Variants in EVC2 observed in about 807,000 individuals in gnomAD.
The protein encoded by EVC2 is limbin.
In EVC2, 148 loss-of-function variants were observed where a neutral mutation model predicts 149.3. The observed-to-expected ratio is 0.99, with a 90% CI of 0.87 to 1.14. The LOEUF is 1.14. Among genes scored for constraint, EVC2 ranks in the 50% most tolerant of loss-of-function variants. The probability of loss-of-function intolerance (pLI) is 0.00; values close to 1 mark genes in which losing one functional copy is unlikely to be tolerated. For synonymous variants in EVC2, 776 were observed against 649.9 expected (o/e 1.19, Z -2.95); for missense variants, 1,854 against 1,627.3 (o/e 1.14, Z -2.40).
chr4:5,594,913 A>G (rs1028042010), intron 16 of EVC2, among the ~76,000 whole-genome samples: 1 of 152,216 alleles, frequency 6.6e-6, no homozygotes, highest in African/African-American at 2.4e-5. Context: ...GAGAACTACG[A>G]GAAGAATGCA....
chr4:5,594,037 C>G, intron 16 of EVC2, among the ~76,000 whole-genome samples: 1 of 152,200 alleles, frequency 6.6e-6, no homozygotes, highest in East Asian at 1.9e-4. Context: ...CGCCATTGCC[C>G]AGGCTTGCTT....
the EVC2 span, among the ~76,000 whole-genome samples, chr4:5,530,141 C>T: frequency 6.6e-6 from 1 of 152,096 alleles, no homozygotes. Flanking sequence ...GTCCATCAGT[C>T]GACATTAACT....
chr4:5,581,082 A>G lies in EVC2; in HGVS notation c.3057+3541T>C, dbSNP rs1208164817. The stretch of plus-strand genomic sequence containing the variant: ...GTTTCCACAGAAGCTGAGCAGATGC[A>G]TCATGCTTCCTGTACAGCCTGCAGA... On this transcript the variant is annotated intron_variant, in intron 17 of 21. Coordinates refer to ENST00000344408, the MANE Select transcript of EVC2 (RefSeq NM_147127.5). Among the ~76,000 whole-genome samples the G allele has an allele frequency of 3.3e-5, 5 of 152,346 alleles. No homozygotes were observed. In the East Asian group the frequency reaches 5.8e-4, roughly 18 times the overall value.
chr4:5,615,734 T>C (rs913492829), intron 15 of EVC2, among the ~76,000 whole-genome samples, 190 bp from the exon 16 acceptor site: 2 of 152,164 alleles, frequency 1.3e-5, no homozygotes, highest in African/African-American at 4.8e-5. Context: ...GCCTTTGATC[T>C]TCACACAATC....
rs1184072988 is a variant in EVC2 at position 5,588,023 on chromosome 4, TTCTA to T, written c.2830-3177_2830-3174del. 3.3e-5 allele frequency among the ~76,000 whole-genome samples: 5 copies of T among 152,254 alleles called. No individual in the cohort carries two copies. In the South Asian group the frequency reaches 8.3e-4, roughly 25 times the overall value. ...GTGGTCTCCTCCCTGAGTTCTAGAT[TTCTA>T]TCTGTTATGAAAATCCTTCTGCCTG... On this transcript the variant is annotated intron_variant, in intron 16 of 21. Transcript: ENST00000344408.
chr4:5,581,547 T>A (rs1711793392), intron 17 of EVC2, among the ~76,000 whole-genome samples: 1 of 152,242 alleles, frequency 6.6e-6, no homozygotes, highest in Admixed American at 6.5e-5. Flanking sequence ...ATTTAGGGTA[T>A]CTGCTGGAAG....
intron 9 of EVC2, among the ~76,000 whole-genome samples, chr4:5,660,675 T>A (rs1577220088): frequency 6.6e-6 from 1 of 152,208 alleles, no homozygotes; most frequent in Non-Finnish European, 1.5e-5. Context: ...GCTATCACCA[T>A]AAGGATGCAT....
At chr4:5,617,554 AC>A (rs1257645451) in intron 15 of EVC2, among the ~76,000 whole-genome samples, 1 of 150,140 alleles carries the variant, frequency 6.7e-6, no homozygotes, top group African/African-American at 2.5e-5. Context: ...GGAAGCCCAG[AC>A]AAAGGGGAAG....
chr4:5,650,626 TATATATATATATAG>T (rs1433134504), intron 9 of EVC2, among the ~76,000 whole-genome samples: 1,831 of 83,096 alleles, frequency 0.022, 10 homozygotes, highest in Middle Eastern at 0.027. Flanking sequence ...TATATATATA[TATATATATATATAG>T]AGAGAGAGAG....
intron 11 of EVC2, among the ~76,000 whole-genome samples, chr4:5,629,033 T>C (rs1716338168): frequency 6.6e-6 from 1 of 152,186 alleles, no homozygotes; most frequent in African/African-American, 2.4e-5. Context: ...CCTTCATCCA[T>C]GCACGCTCCC....
the EVC2 span, among the ~76,000 whole-genome samples, chr4:5,530,059 G>T: frequency 6.6e-6 from 1 of 152,130 alleles, no homozygotes; most frequent in South Asian, 2.1e-4. Context: ...CAGGTGATCT[G>T]CCCTTGGCCT....
In EVC2 at chr4:5,657,547, A is replaced by G. The variant is rs1577216294; in HGVS notation, c.1145+5560T>C. Among the ~76,000 whole-genome samples, 1 of 152,032 alleles carries G rather than the reference A, an allele frequency of 6.6e-6. No homozygotes were observed. The highest frequency in any genetic ancestry group is 3.4e-3 in the Middle Eastern group (1 of 294). ...GCTGCACCTCATCCTAATCTTTGCTATCATGTACCTTATAGCCTCAAATTT... is the reference window on the plus strand; with the variant it reads ...GCTGCACCTCATCCTAATCTTTGCTGTCATGTACCTTATAGCCTCAAATTT... On this transcript the variant is annotated intron_variant, in intron 9 of 21. Coordinates refer to ENST00000344408, the MANE Select transcript of EVC2 (RefSeq NM_147127.5). The surrounding 1 kb of genome is among the most constrained non-coding windows in gnomAD (Gnocchi z 4.7).
Position 5,576,391 on chromosome 4 carries a change from G to A in EVC2, c.3121C>T (p.Gln1041Ter), listed in dbSNP as rs376133710. The part of the protein sequence containing the change: ...QLVQQEAAQQ[Q>*]QALASWQQWV... ...TGCTGCCAGCTCGCCAGGGCCTGCTGCTGCTGGGCTGCCTCCTGCTGCACC... is the reference window on the plus strand; with the variant it reads ...TGCTGCCAGCTCGCCAGGGCCTGCTACTGCTGGGCTGCCTCCTGCTGCACC... The change falls in exon 18 of 22, where the codon CAG (glutamine) becomes TAG (stop). Residue 1041 changes from glutamine (Q) to a stop codon, truncating the protein, a stop_gained. Transcript: ENST00000344408. LOFTEE classifies it high-confidence loss of function. This position sits in a 1 kb window ranked among gnomAD's most constrained non-coding sequence, Gnocchi z 4.5. 3.7e-6 allele frequency: 6 copies of A among 1,613,490 alleles called. No individual in the cohort carries two copies. The African/African-American group carries it at 4.0e-5, about 11-fold the overall frequency.
Position 5,617,725 on chromosome 4 carries a change from A to G in EVC2, c.2706+753T>C, listed in dbSNP as rs1182482852. Among the ~76,000 whole-genome samples, 4 of 152,180 alleles carry G rather than the reference A, an allele frequency of 2.6e-5. No individual in the cohort carries two copies. In the East Asian group the frequency reaches 5.8e-4, roughly 22 times the overall value. On this transcript the variant is annotated intron_variant, in intron 15 of 21. Transcript: ENST00000344408. The stretch of plus-strand genomic sequence containing the variant: ...GAGACCTCAATGGCCTGCAAAGCAT[A>G]TATGTGGCAGAGAAAACAGAAGTTC...
chr4:5,561,232 C>G (rs982957022), downstream of EVC2, among the ~76,000 whole-genome samples: 4 of 152,186 alleles, frequency 2.6e-5, no homozygotes, highest in Non-Finnish European at 5.9e-5. Flanking sequence ...GTGGACTTTA[C>G]AGATTCAATT....
At chr4:5,593,315 T>C (rs1713009907) in intron 16 of EVC2, among the ~76,000 whole-genome samples, 1 of 152,172 alleles carries the variant, frequency 6.6e-6, no homozygotes, top group Non-Finnish European at 1.5e-5. Context: ...CTGCCCTTCT[T>C]TCAAGTGTGC....
At chr4:5,566,512 G>C (rs1722296701) in intron 20 of EVC2, among the ~76,000 whole-genome samples, 1 of 152,164 alleles carries the variant, frequency 6.6e-6, no homozygotes, top group Non-Finnish European at 1.5e-5. Context: ...TTCTTGCTTG[G>C]ATTAATTATT....
intron 10 of EVC2, 97 bp from the exon 11 acceptor site, chr4:5,632,129 A>ATT: frequency 6.8e-7 from 1 of 1,481,258 alleles, no homozygotes; most frequent in Non-Finnish European, 9.2e-7. Context: ...GTGCACACAC[A>ATT]ATGTGTACAT....
intron 12 of EVC2, among the ~76,000 whole-genome samples, chr4:5,627,650 C>T (rs1036555812): frequency 6.6e-6 from 1 of 152,152 alleles, no homozygotes; most frequent in South Asian, 2.1e-4. Context: ...AATTAAGTCA[C>T]CTCAAAGAAT....
Sources: allele counts gnomAD v4.1 joint callset (sites outside exome capture counted in the v4.1 genomes callset), GRCh38; gene constraint gnomAD v4.1.1; non-coding constraint Gnocchi (gnomAD v3.1); transcripts MANE v1.5; gene names NCBI Gene and HGNC (gene_info 2026-07-23, HGNC 2026-07-21).